Variants in LRRC52 observed in about 807,000 individuals in gnomAD.
LRRC52 encodes leucine rich repeat containing 52.
LRRC52 carries 15 observed loss-of-function variants against 14.7 expected under a neutral mutation model. The observed-to-expected ratio is 1.02, with a 90% CI of 0.68 to 1.58. LRRC52 has a LOEUF of 1.58. Among genes scored for constraint, LRRC52 ranks in the 40% most tolerant of loss-of-function variants. LRRC52 has a pLI of 0.00. For missense variants in LRRC52, 400 were observed against 387.7 expected, an observed-to-expected ratio of 1.03 and a Z score of -0.27; for synonymous variants, 180 against 163.9, an observed-to-expected ratio of 1.10 and a Z score of -0.75.
chr1:165,545,961 G>A (rs866075265), intron 1 of LRRC52, among the ~76,000 whole-genome samples: 10 of 152,030 alleles, frequency 6.6e-5, no homozygotes, highest in East Asian at 1.9e-4. Context: ...TTTCATAGAC[G>A]CAGCTTCATA....
chr1:165,559,025 G>C (rs1661292351), intron 1 of LRRC52, among the ~76,000 whole-genome samples: 2 of 152,214 alleles, frequency 1.3e-5, no homozygotes, highest in African/African-American at 4.8e-5. Flanking sequence ...GTCAATGATA[G>C]AAGGGTAATT....
intron 1 of LRRC52, among the ~76,000 whole-genome samples, chr1:165,552,080 G>A (rs1661144050): frequency 6.6e-6 from 1 of 152,056 alleles, no homozygotes. Flanking sequence ...GGGGCTGAGA[G>A]GGGTGCAACT....
intron 1 of LRRC52, among the ~76,000 whole-genome samples, chr1:165,552,006 C>A (rs1329635851): frequency 6.6e-6 from 1 of 150,750 alleles, no homozygotes. Context: ...GGCTGGGCAA[C>A]CAGCAGCTCC....
rs770158593 is a variant in LRRC52, at chr1:165,544,430, C to T, written c.134C>T (p.Thr45Ile). Reference protein sequence around the residue: ...QEVICTGKQLTEYPLDIPLNT... With the variant: ...QEVICTGKQLIEYPLDIPLNT... ...GTAATCTGCACAGGGAAGCAGTTAA[C>T]CGAATACCCCCTTGACATACCCCTG... The change falls in exon 1 of 2, where the codon ACC (threonine) becomes ATC (isoleucine). Residue 45 changes from threonine to isoleucine, a missense_variant. Transcript: ENST00000294818. The T allele has an allele frequency of 6.2e-7, 1 of 1,614,170 alleles. No individual in the cohort carries two copies. The highest frequency in any genetic ancestry group is 8.5e-7 in the Non-Finnish European group (1 of 1,180,022).
intron 1 of LRRC52, among the ~76,000 whole-genome samples, chr1:165,550,490 C>T (rs2101826115): frequency 6.6e-6 from 1 of 152,242 alleles, no homozygotes; most frequent in African/African-American, 2.4e-5. Flanking sequence ...CCACCTAAGG[C>T]TACTGGCTAC....
chr1:165,557,098 T>G (rs1661250154), intron 1 of LRRC52, among the ~76,000 whole-genome samples: 1 of 152,244 alleles, frequency 6.6e-6, no homozygotes, highest in African/African-American at 2.4e-5. Flanking sequence ...AAAGGGTCTC[T>G]GCTCTCAAAC....
intron 1 of LRRC52, among the ~76,000 whole-genome samples, chr1:165,563,009 T>C (rs1255818525): frequency 6.6e-6 from 1 of 151,880 alleles, no homozygotes; most frequent in Non-Finnish European, 1.5e-5. Context: ...TGATGCCAGG[T>C]TGGACTCAGC....
At position 165,544,203 on chromosome 1, in the gene LRRC52, G is replaced by GCCCCACCCCCCCCCCCC; in HGVS notation, c.-90_-89insACCCCCCCCCCCCCCCC. The stretch of plus-strand genomic sequence containing the variant: ...CTAAAGTGTTACAGTTCTTTCCAGA[G>GCCCCACCCCCCCCCCCC]CCCCTCCCCCGCCCCACCCCCCCAC... On this transcript the variant is annotated 5_prime_UTR_variant, in exon 1 of 2. Coordinates refer to ENST00000294818, the MANE Select transcript of LRRC52 (RefSeq NM_001005214.4). 2.0e-6 allele frequency: 2 copies of GCCCCACCCCCCCCCCCC among 1,001,758 alleles called. No individual in the cohort carries two copies. The highest frequency in any genetic ancestry group is 2.8e-6 in the Non-Finnish European group (2 of 706,268). 62.1% of individuals were successfully genotyped at this position (1,001,758 alleles called of 1,614,324 possible). A position where few individuals can be genotyped will look rare whatever the true frequency, so the allele number is the denominator to read the frequency against.
At position 165,563,854 on chromosome 1, in the gene LRRC52, C is replaced by T; in HGVS notation, c.*30C>T. The T allele has an allele frequency of 6.3e-7, 1 of 1,593,094 alleles. No individual in the cohort carries two copies. Among genetic ancestry groups the T allele is most frequent in the Non-Finnish European group, 8.6e-7 (1 of 1,166,654 alleles). ...CAGAGACCACTATCTTATGTGCCTC[C>T]CCCAGGCTCCCTGCTTTCTCTCTTG... On this transcript the variant is annotated 3_prime_UTR_variant, in exon 2 of 2. Transcript: ENST00000294818.
intron 1 of LRRC52, among the ~76,000 whole-genome samples, chr1:165,550,308 A>C (rs1661105974): frequency 6.6e-6 from 1 of 152,210 alleles, no homozygotes; most frequent in South Asian, 2.1e-4. Flanking sequence ...CTCTACCCGC[A>C]AAGTCTGCTC....
At chr1:165,557,208 G>A (rs902816809) in intron 1 of LRRC52, among the ~76,000 whole-genome samples, 1 of 152,138 alleles carries the variant, frequency 6.6e-6, no homozygotes, top group Non-Finnish European at 1.5e-5. Flanking sequence ...CTTCTCTTCA[G>A]TCTCACAGGA....
intron 1 of LRRC52, among the ~76,000 whole-genome samples, chr1:165,547,034 CACATGGT>C (rs1433288709): frequency 6.6e-6 from 1 of 152,118 alleles, no homozygotes; most frequent in Non-Finnish European, 1.5e-5. Context: ...CATTTTTCCA[CACATGGT>C]ACCTCATTTC....
At position 165,552,046 on chromosome 1, in the gene LRRC52, C is replaced by G. The variant is rs568086536; in HGVS notation, c.622+7128C>G. 2.1e-3 allele frequency among the ~76,000 whole-genome samples: 309 copies of G among 150,616 alleles called. 1 individual carries two copies. Among genetic ancestry groups the G allele is most frequent in the Admixed American group, 3.1e-3 (47 of 15,186 alleles). ...CTTCCAAGGCTGTTGAAAGCCAGAA[C>G]AGCAGCCTCCTGAGGGCAAGGAGGG... On this transcript the variant is annotated intron_variant, in intron 1 of 1. Transcript: ENST00000294818.
In LRRC52 at chr1:165,544,020, G is replaced by A; in HGVS notation, c.-277G>A. On this transcript the variant is annotated 5_prime_UTR_variant, in exon 1 of 2. Transcript: ENST00000294818. Reference sequence around the variant, plus strand: ...TGGCTCCCCTTCACTTGCAAACGCAGGGAAAGGGTGAGACCTTTCAAAGCT... The same window carrying A: ...TGGCTCCCCTTCACTTGCAAACGCAAGGAAAGGGTGAGACCTTTCAAAGCT... 1 of 471,930 alleles carries A rather than the reference G, an allele frequency of 2.1e-6. No homozygotes were observed. The highest frequency in any genetic ancestry group is 3.8e-6 in the Non-Finnish European group (1 of 263,644). The allele number at this position is 471,930 out of a possible 1,614,324, so 29.2% of individuals were successfully genotyped here. A position where few individuals can be genotyped will look rare whatever the true frequency, so the allele number is the denominator to read the frequency against.
In LRRC52 at chr1:165,544,206, C is replaced by G; in HGVS notation, c.-91C>G. The G allele has an allele frequency of 9.7e-7, 1 of 1,031,632 alleles. No homozygotes were observed. Among genetic ancestry groups the G allele is most frequent in the Non-Finnish European group, 1.4e-6 (1 of 732,998 alleles). 63.9% of individuals were successfully genotyped at this position (1,031,632 alleles called of 1,614,324 possible). ...AAGTGTTACAGTTCTTTCCAGAGCCCCTCCCCCGCCCCACCCCCCCACCGG... is the reference window on the plus strand; with the variant it reads ...AAGTGTTACAGTTCTTTCCAGAGCCGCTCCCCCGCCCCACCCCCCCACCGG... On this transcript the variant is annotated 5_prime_UTR_variant, in exon 1 of 2. Transcript: ENST00000294818.
intron 1 of LRRC52, among the ~76,000 whole-genome samples, chr1:165,557,621 T>A (rs1305842566): frequency 2.6e-5 from 4 of 152,096 alleles, no homozygotes; most frequent in African/African-American, 9.7e-5. Flanking sequence ...TCAATTTCCT[T>A]GACAAAAACA....
In LRRC52 at chr1:165,544,604, T is replaced by A; in HGVS notation, c.308T>A (p.Leu103His). 1 of 1,613,838 alleles carries A rather than the reference T, an allele frequency of 6.2e-7. No homozygotes were observed. Among genetic ancestry groups the A allele is most frequent in the Non-Finnish European group, 8.5e-7 (1 of 1,179,972 alleles). The change falls in exon 1 of 2, where the codon CTC becomes CAC. Residue 103 changes from leucine to histidine, a missense_variant. Coordinates refer to ENST00000294818, the MANE Select transcript of LRRC52 (RefSeq NM_001005214.4). ...MDYTFIGVFK[L>H]IYLDLSSNNL... The stretch of plus-strand genomic sequence containing the variant: ...TATACCTTCATCGGGGTCTTCAAAC[T>A]CATCTACCTTGACCTCAGCTCCAAC...
At chr1:165,555,053 G>A (rs755644496) in intron 1 of LRRC52, among the ~76,000 whole-genome samples, 5 of 152,162 alleles carry the variant, frequency 3.3e-5, no homozygotes, top group Non-Finnish European at 7.3e-5. Context: ...GGCCAGGCAC[G>A]GGGCATACTG....
chr1:165,560,143 C>G (rs543027748), intron 1 of LRRC52, among the ~76,000 whole-genome samples: 1 of 152,300 alleles, frequency 6.6e-6, no homozygotes, highest in African/African-American at 2.4e-5. Context: ...GCTGGGAATA[C>G]TTTTTTTCTC....
Sources: allele counts gnomAD v4.1 joint callset (sites outside exome capture counted in the v4.1 genomes callset), GRCh38; gene constraint gnomAD v4.1.1; transcripts MANE v1.5; gene names NCBI Gene and HGNC (gene_info 2026-07-23, HGNC 2026-07-21).